Variants in DENND1B observed in about 807,000 individuals in gnomAD.
DENND1B encodes DENN domain-containing protein 1B.
In DENND1B, 59 loss-of-function variants were observed where a neutral mutation model predicts 90.1. The observed-to-expected ratio is 0.65, with a 90% CI of 0.53 to 0.81. The LOEUF (loss-of-function observed/expected upper bound fraction) is 0.81. Ranked by LOEUF, DENND1B falls within the 40% of genes least tolerant of loss-of-function variation. The pLI is 0.00. For missense variants in DENND1B, 862 were observed against 912.6 expected (o/e 0.94, Z 0.71); for synonymous variants, 337 against 324.6 (o/e 1.04, Z -0.41).
At chr1:197,751,397 C>T (rs1185721214) in intron 2 of DENND1B, among the ~76,000 whole-genome samples, 1 of 152,114 alleles carries the variant, frequency 6.6e-6, no homozygotes, top group Non-Finnish European at 1.5e-5. Flanking sequence ...TGAAAACACA[C>T]TATATCCAAA....
chr1:197,592,895 TA>T (rs1675362260), intron 14 of DENND1B, among the ~76,000 whole-genome samples: 1 of 152,178 alleles, frequency 6.6e-6, no homozygotes, highest in African/African-American at 2.4e-5. Context: ...TAATTCACAT[TA>T]TTAACACCTA....
intron 10 of DENND1B, among the ~76,000 whole-genome samples, chr1:197,636,894 TAGG>T (rs1679845531): frequency 6.6e-6 from 1 of 151,882 alleles, no homozygotes; most frequent in African/African-American, 2.4e-5. Context: ...CCCTTTATAG[TAGG>T]AGAAGGAGAC....
At chr1:197,735,884 A>G in intron 2 of DENND1B, 2 of 1,549,064 alleles carry the variant, frequency 1.3e-6, no homozygotes, top group African/African-American at 1.4e-5. Flanking sequence ...GGGCTATTAC[A>G]GGTGCCTCTC....
At chr1:197,703,298 G>A (rs1262947095) in intron 3 of DENND1B, among the ~76,000 whole-genome samples, 3 of 150,832 alleles carry the variant, frequency 2.0e-5, no homozygotes, top group Non-Finnish European at 4.4e-5. Context: ...CTTCAGCTTT[G>A]CTTTTACAAA....
At chr1:197,716,143 T>C (rs1660620775) in intron 2 of DENND1B, among the ~76,000 whole-genome samples, 2 of 151,866 alleles carry the variant, frequency 1.3e-5, no homozygotes, top group Admixed American at 1.3e-4. Flanking sequence ...AACCTAAGGA[T>C]ACATATATAT....
intron 15 of DENND1B, among the ~76,000 whole-genome samples, chr1:197,570,229 CAA>C (rs34035389): frequency 3.7e-5 from 5 of 135,488 alleles, no homozygotes; most frequent in Admixed American, 7.5e-5. Context: ...CCCATATCTC[CAA>C]AAAAAAAAAA....
At chr1:197,523,902 T>C (rs1246181323) in intron 20 of DENND1B, among the ~76,000 whole-genome samples, 1 of 151,952 alleles carries the variant, frequency 6.6e-6, no homozygotes, top group East Asian at 1.9e-4. Context: ...AAAATAAAGA[T>C]GGACAACATG....
intron 13 of DENND1B, among the ~76,000 whole-genome samples, chr1:197,597,782 T>C (rs1054696510): frequency 2.0e-5 from 3 of 151,852 alleles, no homozygotes; most frequent in African/African-American, 7.2e-5. Flanking sequence ...AGGAAAAGAA[T>C]GTACCTGTTC....
intron 3 of DENND1B, among the ~76,000 whole-genome samples, chr1:197,713,826 T>TATA (rs1558433100): frequency 2.6e-3 from 73 of 27,898 alleles, no homozygotes; most frequent in African/African-American, 6.8e-3. Context: ...TATAATATAT[T>TATA]ATATATAATA....
At chr1:197,632,419 T>A (rs1281831898) in intron 10 of DENND1B, among the ~76,000 whole-genome samples, 2 of 152,132 alleles carry the variant, frequency 1.3e-5, no homozygotes, top group Non-Finnish European at 2.9e-5. Flanking sequence ...CTAGACATGA[T>A]ACAAATTCCT....
At chr1:197,605,138 A>G (rs895419198) in intron 13 of DENND1B, among the ~76,000 whole-genome samples, 1 of 150,954 alleles carries the variant, frequency 6.6e-6, no homozygotes, top group African/African-American at 2.4e-5. Context: ...TATATTTTTA[A>G]ATATTTCAGT....
At chr1:197,728,558 C>A (rs7539292) in intron 2 of DENND1B, among the ~76,000 whole-genome samples, 4 of 152,092 alleles carry the variant, frequency 2.6e-5, no homozygotes, top group East Asian at 1.9e-4. Flanking sequence ...AGCCTTCACA[C>A]GCCTTCATCC....
At chr1:197,610,867 AAT>A (rs1677121166) in intron 12 of DENND1B, among the ~76,000 whole-genome samples, 1 of 150,746 alleles carries the variant, frequency 6.6e-6, no homozygotes, top group Non-Finnish European at 1.5e-5. Flanking sequence ...TATTTATTTA[AAT>A]ATGTTTTTTT....
chr1:197,671,990 G>C, intron 5 of DENND1B, 47 bp downstream of exon 5: 15 of 1,584,770 alleles, frequency 9.5e-6, no homozygotes, highest in Non-Finnish European at 1.2e-5. Flanking sequence ...ACAATAGAGA[G>C]ATAGTTACCT....
At chr1:197,541,405 G>T (rs1179595178) in intron 18 of DENND1B, among the ~76,000 whole-genome samples, 1 of 152,124 alleles carries the variant, frequency 6.6e-6, no homozygotes, top group African/African-American at 2.4e-5. Flanking sequence ...AAAAAACTTT[G>T]GCAATTTTAC....
chr1:197,583,285 A>C, intron 14 of DENND1B, 32 bp from the exon 15 acceptor site: 1 of 1,600,338 alleles, frequency 6.2e-7, no homozygotes. Flanking sequence ...AAGGGCATCA[A>C]TAAAAGGTTA....
intron 3 of DENND1B, among the ~76,000 whole-genome samples, chr1:197,692,908 C>G (rs781350356): frequency 6.6e-6 from 1 of 151,690 alleles, no homozygotes; most frequent in African/African-American, 2.4e-5. Flanking sequence ...TCTTCCTGAA[C>G]TCCAGTCAGA....
At position 197,617,279 on chromosome 1, in the gene DENND1B, G is replaced by A. The variant is rs114457537; in HGVS notation, c.773+380C>T. The stretch of plus-strand genomic sequence containing the variant: ...GGTAACAAGAGTATGCCCTGACAGA[G>A]ACAATGTGGTTGCTGGCAGATTTGC... On this transcript the variant is annotated intron_variant, in intron 11 of 22. Transcript: ENST00000620048. Among the ~76,000 whole-genome samples, 1,006 of 151,202 alleles carry A rather than the reference G, an allele frequency of 6.7e-3. 4 individuals carry two copies. The highest frequency in any genetic ancestry group is 0.022 in the African/African-American group (927 of 41,388).
chr1:197,656,817 A>T (rs921361992), intron 6 of DENND1B, among the ~76,000 whole-genome samples: 29 of 151,492 alleles, frequency 1.9e-4, no homozygotes, highest in Admixed American at 9.9e-4. Flanking sequence ...AAAAAATTTA[A>T]AAAAAAAATC....
Sources: gnomAD v4.1 joint callset for allele counts (sites outside exome capture counted in the v4.1 genomes callset) on GRCh38, gnomAD v4.1.1 for gene constraint, MANE v1.5 for transcripts, NCBI Gene and HGNC (gene_info 2026-07-23, HGNC 2026-07-21) for gene names.